The following BEND7 variants were observed in gnomAD, a reference collection of about 807,000 sequenced individuals.
BEND7 encodes BEN domain containing 7, also known as BEN domain-containing protein 7.
BEND7 carries 28 observed loss-of-function variants against 50.9 expected under a neutral mutation model. That is an observed-to-expected ratio of 0.55 (90% CI 0.41 to 0.75). The LOEUF (loss-of-function observed/expected upper bound fraction) is 0.75. Among genes scored for constraint, BEND7 ranks in the 30% least tolerant of loss-of-function variants. The probability of loss-of-function intolerance (pLI) is 0.00; values close to 1 mark genes in which losing one functional copy is unlikely to be tolerated. For synonymous variants in BEND7, 170 were observed against 183.9 expected (o/e 0.92, Z 0.61); for missense variants, 477 against 491.3 (o/e 0.97, Z 0.28).
In BEND7 at chr10:13,509,787, T is replaced by G. The variant is rs376507093; in HGVS notation, c.146-9707A>C. ...GCGAACTTAGCTGGAGTTAAGGCAA[T>G]GAATGGGGCAAAGTCAAAAACGAAA... is the stretch of plus-strand genomic sequence containing the variant. On this transcript the variant is annotated intron_variant, in intron 2 of 8. Transcript: ENST00000466271. 7.9e-5 allele frequency among the ~76,000 whole-genome samples: 12 copies of G among 152,224 alleles called. No homozygotes were observed. In the East Asian group the frequency reaches 1.7e-3, roughly 22 times the overall value.
chr10:13,477,996 A>G (rs560733198), intron 6 of BEND7, among the ~76,000 whole-genome samples: 3 of 152,328 alleles, frequency 2.0e-5, no homozygotes, highest in African/African-American at 7.2e-5. Flanking sequence ...AGAGAAGTAC[A>G]CATTTTTAAG....
At chr10:13,500,914 G>T in intron 2 of BEND7, 1 of 863,732 alleles carries the variant, frequency 1.2e-6, no homozygotes, top group Non-Finnish European at 1.4e-6. Flanking sequence ...CAGCGTAACT[G>T]TGTGCGAAAG....
At chr10:13,503,964 G>A (rs2077676554) in intron 2 of BEND7, among the ~76,000 whole-genome samples, 1 of 152,226 alleles carries the variant, frequency 6.6e-6, no homozygotes, top group African/African-American at 2.4e-5. Flanking sequence ...CACCCCTGCA[G>A]CTGCTGCCTA....
At chr10:13,489,772 G>GA (rs1242246469) in intron 5 of BEND7, among the ~76,000 whole-genome samples, 1 of 152,124 alleles carries the variant, frequency 6.6e-6, no homozygotes, top group Admixed American at 6.5e-5. Context: ...GGAGGAACAG[G>GA]AAAAAACAAG....
Position 13,512,071 on chromosome 10 carries a change from T to C in BEND7, c.146-11991A>G, listed in dbSNP as rs147801258. Among the ~76,000 whole-genome samples, 1,137 of 152,312 alleles carry C rather than the reference T, an allele frequency of 7.5e-3. 5 individuals carry two copies. Among genetic ancestry groups the C allele is most frequent in the Non-Finnish European group, 0.013 (892 of 68,024 alleles). ...AAGGAAATCACTGGACCAAACCATC[T>C]TTACAGATTCTGACTTAGTTGCACT... On this transcript the variant is annotated intron_variant, in intron 2 of 8. Transcript: ENST00000466271.
chr10:13,511,009 C>A (rs1204445911), intron 2 of BEND7, among the ~76,000 whole-genome samples: 2 of 152,190 alleles, frequency 1.3e-5, no homozygotes, highest in African/African-American at 4.8e-5. Context: ...GAAACCCCAT[C>A]CCTACTTAAA....
At position 13,501,825 on chromosome 10, in the gene BEND7, G is replaced by A. The variant is rs113320860; in HGVS notation, c.146-1745C>T. Among the ~76,000 whole-genome samples, 888 of 146,616 alleles carry A rather than the reference G, an allele frequency of 6.1e-3. 10 individuals are homozygous for A. The highest frequency in any genetic ancestry group is 0.022 in the African/African-American group (854 of 39,388). On this transcript the variant is annotated intron_variant, in intron 2 of 8. Coordinates refer to ENST00000466271, the MANE Select transcript of BEND7 (RefSeq NM_001369863.1). ...TGTGCCACTGCACTTCAGCCTGGGT[G>A]ATAGTGGCAGACCCTGTCTCAAAAA...
At chr10:13,480,121 T>C (rs1001634648) in intron 6 of BEND7, among the ~76,000 whole-genome samples, 4 of 152,256 alleles carry the variant, frequency 2.6e-5, no homozygotes, top group Non-Finnish European at 5.9e-5. Context: ...ACTTGGTTTA[T>C]GTTCTTTTTG....
At chr10:13,489,845 C>T (rs75536021) in intron 5 of BEND7, among the ~76,000 whole-genome samples, 76 of 152,230 alleles carry the variant, frequency 5.0e-4, no homozygotes, top group South Asian at 2.1e-4. Flanking sequence ...TTAATGTTTC[C>T]CAAGTTTATT....
rs2079569217 is a variant in BEND7, at chr10:13,528,591, GCGGCGGCAGCGGC to G, written c.-71_-59del. The G allele has an allele frequency of 3.5e-6, 3 of 852,028 alleles. No individual in the cohort carries two copies. The South Asian group carries it at 1.8e-4, about 50-fold the overall frequency. 52.8% of individuals were successfully genotyped at this position (852,028 alleles called of 1,614,324 possible). Reference sequence around the variant, plus strand: ...GGCGGCGGCAGCGGCGGCAGCGGCAGCGGCGGCAGCGGCAGCGGCGGCGCGGGCTCGTGTCACC... The same window carrying G: ...GGCGGCGGCAGCGGCGGCAGCGGCAGAGCGGCGGCGCGGGCTCGTGTCACC... On this transcript the variant is annotated 5_prime_UTR_variant, in exon 1 of 9. Coordinates refer to ENST00000466271, the MANE Select transcript of BEND7 (RefSeq NM_001369863.1).
chr10:13,515,909 G>A (rs1414448050), intron 2 of BEND7, among the ~76,000 whole-genome samples: 1 of 152,012 alleles, frequency 6.6e-6, no homozygotes, highest in Non-Finnish European at 1.5e-5. Flanking sequence ...TAGACGGGGT[G>A]CTATCAACAA....
At chr10:13,487,061 T>C (rs1470198364) in intron 5 of BEND7, among the ~76,000 whole-genome samples, 1 of 152,218 alleles carries the variant, frequency 6.6e-6, no homozygotes, top group Non-Finnish European at 1.5e-5. Context: ...CTTCATGTGC[T>C]CCTTCAAGGG....
At chr10:13,489,496 CA>C (rs1353653914) in intron 5 of BEND7, among the ~76,000 whole-genome samples, 1 of 152,098 alleles carries the variant, frequency 6.6e-6, no homozygotes, top group East Asian at 1.9e-4. Context: ...TGAACTTGTG[CA>C]AGCTGCCCGT....
At chr10:13,493,091 A>C (rs2076785130) in intron 4 of BEND7, among the ~76,000 whole-genome samples, 1 of 152,246 alleles carries the variant, frequency 6.6e-6, no homozygotes. Flanking sequence ...CTCAGGAGAA[A>C]GCGTTACTGC....
intron 3 of BEND7, among the ~76,000 whole-genome samples, chr10:13,497,890 T>C (rs567051605): frequency 6.6e-6 from 1 of 152,244 alleles, no homozygotes; most frequent in Non-Finnish European, 1.5e-5. Flanking sequence ...TATTTAGGAA[T>C]ACTATAGAAA....
intron 6 of BEND7, among the ~76,000 whole-genome samples, chr10:13,465,884 CGT>C (rs35791494): frequency 0.72 from 108,050 of 150,018 alleles, 39,212 homozygotes; most frequent in East Asian, 0.87. Flanking sequence ...CTCTCTCTCT[CGT>C]GTGTGTGTGT....
downstream of BEND7, chr10:13,439,325 T>C: frequency 6.2e-7 from 1 of 1,614,134 alleles, no homozygotes; most frequent in Non-Finnish European, 8.5e-7. Flanking sequence ...GGGACAAAGC[T>C]CCTGTTTCAG....
At chr10:13,442,704 T>C (rs1835515407) in intron 8 of BEND7, 1 of 152,244 alleles carries the variant, frequency 6.6e-6, no homozygotes, top group Non-Finnish European at 1.5e-5. Flanking sequence ...GATAATTTAC[T>C]GGTTTTCTCA....
intron 3 of BEND7, 67 bp downstream of exon 3, chr10:13,499,711 G>A (rs1588966715): frequency 2.1e-6 from 3 of 1,413,006 alleles, no homozygotes; most frequent in African/African-American, 3.1e-5. Flanking sequence ...TCAACACACT[G>A]AATATTTAGA....
Sources: allele counts gnomAD v4.1 joint callset (sites outside exome capture counted in the v4.1 genomes callset), GRCh38; gene constraint gnomAD v4.1.1; transcripts MANE v1.5; gene names NCBI Gene and HGNC (gene_info 2026-07-23, HGNC 2026-07-21).